PID1: variants seen among roughly 807,000 people sequenced by gnomAD.
PID1 encodes PTB-containing, cubilin and LRP1-interacting protein.
Under a neutral mutation model 19.1 loss-of-function variants are expected in PID1, and 10 were observed. The ratio of observed to expected loss-of-function variants is 0.52; its 90% CI spans 0.32 to 0.89. PID1 has a LOEUF of 0.89. Ranked by LOEUF, PID1 falls within the 40% of genes least tolerant of loss-of-function variation. PID1 has a pLI of 0.03. For missense variants in PID1, 248 were observed against 285.3 expected, an observed-to-expected ratio of 0.87 and a Z score of 0.94; for synonymous variants, 130 against 116.0, an observed-to-expected ratio of 1.12 and a Z score of -0.78.
chr2:229,170,344 T>A (rs1286755938), intron 1 of PID1, among the ~76,000 whole-genome samples: 1 of 152,170 alleles, frequency 6.6e-6, no homozygotes, highest in East Asian at 1.9e-4. Context: ...GCAGGGCAGA[T>A]TCATTTTGAG....
intron 1 of PID1, among the ~76,000 whole-genome samples, chr2:229,222,431 A>C (rs910546987): frequency 4.6e-5 from 7 of 152,226 alleles, no homozygotes; most frequent in African/African-American, 9.6e-5. Flanking sequence ...AATTAACATC[A>C]TTAGTATTTC....
At chr2:229,216,594 G>C (rs1691851232) in intron 1 of PID1, among the ~76,000 whole-genome samples, 2 of 152,122 alleles carry the variant, frequency 1.3e-5, no homozygotes, top group East Asian at 3.9e-4. Flanking sequence ...AAACACATGT[G>C]AGTAATCCTC....
chr2:229,034,702 A>G (rs1464408375), intron 2 of PID1, among the ~76,000 whole-genome samples: 18 of 152,112 alleles, frequency 1.2e-4, no homozygotes, highest in African/African-American at 2.4e-5. Flanking sequence ...ACTATTTTCA[A>G]TACTTCAAAA....
intron 2 of PID1, among the ~76,000 whole-genome samples, chr2:229,135,745 C>T (rs144917322): frequency 1.3e-5 from 2 of 152,154 alleles, no homozygotes; most frequent in African/African-American, 4.8e-5. Flanking sequence ...CCAGAAGGAA[C>T]CTGGGGGCAG....
chr2:229,141,436 C>T (rs557316435), intron 2 of PID1, among the ~76,000 whole-genome samples: 1 of 152,234 alleles, frequency 6.6e-6, no homozygotes, highest in East Asian at 1.9e-4. Context: ...GCAAGGTGGA[C>T]TCTGAATGAG....
chr2:229,252,908 G>T (rs993998723), intron 1 of PID1, among the ~76,000 whole-genome samples: 1 of 152,280 alleles, frequency 6.6e-6, no homozygotes. Context: ...AAGGGGGTAG[G>T]GGGTGCCAAG....
chr2:229,077,561 AT>A (rs1254260481), intron 2 of PID1, among the ~76,000 whole-genome samples: 20 of 152,292 alleles, frequency 1.3e-4, no homozygotes, highest in South Asian at 4.1e-4. Flanking sequence ...TAATTTTTGT[AT>A]AAGGTGTAAG....
chr2:229,059,627 C>T (rs1376138340), intron 2 of PID1, among the ~76,000 whole-genome samples: 1 of 152,176 alleles, frequency 6.6e-6, no homozygotes, highest in Non-Finnish European at 1.5e-5. Context: ...GAATTCAAAA[C>T]TGTACACTAA....
chr2:229,197,458 T>C (rs901586370), intron 1 of PID1, among the ~76,000 whole-genome samples: 1 of 152,040 alleles, frequency 6.6e-6, no homozygotes, highest in Non-Finnish European at 1.5e-5. Flanking sequence ...AGATACATTA[T>C]ACATAGCACC....
intron 1 of PID1, among the ~76,000 whole-genome samples, chr2:229,200,999 T>A (rs1691487936): frequency 6.6e-6 from 1 of 152,048 alleles, no homozygotes; most frequent in Non-Finnish European, 1.5e-5. Context: ...TTCGATACCA[T>A]GAAGCCTCTC....
At chr2:229,194,535 CAAT>C (rs1691330221) in intron 1 of PID1, among the ~76,000 whole-genome samples, 1 of 151,870 alleles carries the variant, frequency 6.6e-6, no homozygotes, top group Non-Finnish European at 1.5e-5. Context: ...ATTGAAAATA[CAAT>C]AAGATTACAC....
intron 1 of PID1, among the ~76,000 whole-genome samples, chr2:229,219,291 T>C (rs1223994724): frequency 3.9e-5 from 6 of 152,120 alleles, no homozygotes; most frequent in African/African-American, 1.4e-4. Flanking sequence ...GGGCTGAGGA[T>C]GCCTCAGGAA....
intron 2 of PID1, among the ~76,000 whole-genome samples, chr2:229,081,417 A>C (rs1694666984): frequency 6.6e-6 from 1 of 152,214 alleles, no homozygotes. Flanking sequence ...GTGACTCAAG[A>C]GAAAAATATT....
intron 1 of PID1, chr2:229,262,955 A>C (rs957091758): frequency 7.2e-7 from 1 of 1,385,110 alleles, no homozygotes; most frequent in African/African-American, 1.5e-5. Context: ...CCTCATCTTA[A>C]CTTGCTTACA....
intron 2 of PID1, among the ~76,000 whole-genome samples, chr2:229,091,475 C>T (rs1024889267): frequency 2.0e-5 from 3 of 152,074 alleles, no homozygotes; most frequent in Admixed American, 6.5e-5. Flanking sequence ...TCCTAACCCC[C>T]GAAGTGACGG....
intron 2 of PID1, among the ~76,000 whole-genome samples, chr2:229,069,143 T>TTTTTTGTGTG (rs369977117): frequency 2.1e-4 from 30 of 140,704 alleles, no homozygotes; most frequent in African/African-American, 8.0e-4. Flanking sequence ...AGAAGGGTTT[T>TTTTTTGTGTG]TGTGTGTGTG....
intron 2 of PID1, among the ~76,000 whole-genome samples, chr2:229,103,571 A>ATTTTTT (rs60510809): frequency 2.1e-4 from 16 of 76,234 alleles, no homozygotes; most frequent in African/African-American, 5.0e-4. Context: ...ATATGCTGGA[A>ATTTTTT]TTTTTTTTTT....
intron 2 of PID1, among the ~76,000 whole-genome samples, chr2:229,040,538 A>G (rs56153296): frequency 0.077 from 11,794 of 152,258 alleles, 553 homozygotes; most frequent in Non-Finnish European, 0.11. Flanking sequence ...TTCTTTAACT[A>G]TACCTTTTTG....
chr2:229,056,424 G>A (rs149191299), intron 2 of PID1, among the ~76,000 whole-genome samples: 135 of 152,138 alleles, frequency 8.9e-4, no homozygotes, highest in Middle Eastern at 3.4e-3. Flanking sequence ...ATCTCTGAAC[G>A]TATCCCTCTT....
Sources: allele counts gnomAD v4.1 joint callset (sites outside exome capture counted in the v4.1 genomes callset), GRCh38; gene constraint gnomAD v4.1.1; transcripts MANE v1.5; gene names NCBI Gene and HGNC (gene_info 2026-07-23, HGNC 2026-07-21).